The following LRRC37A2 variants were observed in gnomAD, a reference collection of about 807,000 sequenced individuals.
LRRC37A2 encodes the protein leucine-rich repeat-containing protein 37A2.
LRRC37A2 carries 9 observed loss-of-function variants against 68.8 expected under a neutral mutation model. That is an observed-to-expected ratio of 0.13 (90% CI 0.08 to 0.23). LRRC37A2 has a LOEUF of 0.23. Ranked by LOEUF, LRRC37A2 falls within the 10% of genes least tolerant of loss-of-function variation. The probability of loss-of-function intolerance (pLI) is 1.00; values close to 1 mark genes in which losing one functional copy is unlikely to be tolerated. For missense variants in LRRC37A2, 168 were observed against 950.4 expected (o/e 0.18, Z 10.82); for synonymous variants, 63 against 367.6 (o/e 0.17, Z 9.48).
At chr17:47,044,710 C>G in the LRRC37A2 span, among the ~76,000 whole-genome samples, 127 of 151,690 alleles carry the variant, frequency 8.4e-4, 1 homozygote, top group African/African-American at 3.0e-3. Context: ...AAAATAAAAA[C>G]TTGGGGGCAG....
chr17:46,732,194 A>G, the LRRC37A2 span, among the ~76,000 whole-genome samples: 11 of 152,246 alleles, frequency 7.2e-5, no homozygotes, highest in Admixed American at 1.3e-4. Context: ...TACAGTAATC[A>G]TATCAGTCAC....
chr17:46,997,851 T>G, the LRRC37A2 span, among the ~76,000 whole-genome samples: 3 of 151,854 alleles, frequency 2.0e-5, no homozygotes, highest in African/African-American at 7.3e-5. Flanking sequence ...GTGCCTGTAA[T>G]CCCAGCTACT....
At chr17:46,710,703 T>TA in the LRRC37A2 span, among the ~76,000 whole-genome samples, 1 of 152,178 alleles carries the variant, frequency 6.6e-6, no homozygotes, top group Non-Finnish European at 1.5e-5. Context: ...TCTCAGGAAT[T>TA]ATGAGGGTTT....
chr17:47,004,679 C>T, the LRRC37A2 span, among the ~76,000 whole-genome samples: 2,814 of 152,304 alleles, frequency 0.018, 42 homozygotes, highest in Middle Eastern at 0.075. Flanking sequence ...TAGGCACACA[C>T]CACTATGCCC....
chr17:46,896,438 GAAAGAAAGAAAGAAAAA>G, the LRRC37A2 span, among the ~76,000 whole-genome samples: 1 of 102,806 alleles, frequency 9.7e-6, no homozygotes, highest in African/African-American at 8.1e-5. Flanking sequence ...AAGAAAGAAA[GAAAGAAAGAAAGAAAAA>G]GAAAGAAAGA....
At chr17:46,901,455 C>T in the LRRC37A2 span, among the ~76,000 whole-genome samples, 254 of 152,290 alleles carry the variant, frequency 1.7e-3, 2 homozygotes, top group Non-Finnish European at 5.0e-4. Flanking sequence ...GCCACCACGC[C>T]CAGCCCAGCA....
chr17:46,558,023 G>A (rs1353897639), downstream of LRRC37A2, among the ~76,000 whole-genome samples: 1 of 138,140 alleles, frequency 7.2e-6, no homozygotes, highest in African/African-American at 2.7e-5. Context: ...AAGGCTGCCA[G>A]AGAAAAGATA....
At chr17:46,517,225 C>A in intron 2 of LRRC37A2, 137 bp from the exon 2 acceptor site, 1 of 794,396 alleles carries the variant, frequency 1.3e-6, no homozygotes, top group Non-Finnish European at 1.9e-6. Context: ...AACTGGGAAG[C>A]TGATAGCTCT....
chr17:46,985,649 G>C, the LRRC37A2 span, among the ~76,000 whole-genome samples: 3 of 152,082 alleles, frequency 2.0e-5, no homozygotes, highest in Admixed American at 2.0e-4. Context: ...AGGTGACATG[G>C]AGCTCACAAC....
chr17:46,710,129 T>TA, the LRRC37A2 span, among the ~76,000 whole-genome samples: 3 of 152,212 alleles, frequency 2.0e-5, no homozygotes, highest in Non-Finnish European at 4.4e-5. Flanking sequence ...TGATGATCTT[T>TA]AAAAAATTGA....
the LRRC37A2 span, among the ~76,000 whole-genome samples, chr17:46,395,140 TGGAAACATTATGCTA>T: frequency 3.1e-5 from 1 of 32,498 alleles, no homozygotes; most frequent in African/African-American, 1.6e-4. Flanking sequence ...ACATGAACCT[TGGAAACATTATGCTA>T]GGTGAAAATC....
the LRRC37A2 span, among the ~76,000 whole-genome samples, chr17:46,953,937 C>T: frequency 6.6e-6 from 1 of 151,982 alleles, no homozygotes; most frequent in African/African-American, 2.4e-5. Context: ...TGATATTAGC[C>T]CTTTGTCAGA....
chr17:46,777,171 C>T, the LRRC37A2 span, among the ~76,000 whole-genome samples: 1 of 152,162 alleles, frequency 6.6e-6, no homozygotes, highest in African/African-American at 2.4e-5. Context: ...GATCATGCCG[C>T]TGCACTCCAG....
the LRRC37A2 span, among the ~76,000 whole-genome samples, chr17:46,789,961 C>CA: frequency 6.6e-6 from 1 of 152,190 alleles, no homozygotes; most frequent in African/African-American, 2.4e-5. Flanking sequence ...CTCATCCCCC[C>CA]ACGGCGCTGA....
At chr17:46,544,803 G>C (rs1188709983) in intron 8 of LRRC37A2, among the ~76,000 whole-genome samples, 1 of 114,930 alleles carries the variant, frequency 8.7e-6, no homozygotes, top group East Asian at 3.0e-4. Flanking sequence ...TTTACGTATT[G>C]GAAAAAATTC....
the LRRC37A2 span, among the ~76,000 whole-genome samples, chr17:46,907,840 A>G: frequency 2.6e-5 from 4 of 151,610 alleles, no homozygotes; most frequent in South Asian, 8.4e-4. Context: ...TGGGAGACAG[A>G]GTGAGACCCT....
chr17:46,762,801 A>G, the LRRC37A2 span: 1 of 152,176 alleles, frequency 6.6e-6, no homozygotes, highest in Non-Finnish European at 1.5e-5. Flanking sequence ...CTCATGTACT[A>G]TTATTAAATA....
the LRRC37A2 span, among the ~76,000 whole-genome samples, chr17:46,811,319 T>C: frequency 4.6e-5 from 7 of 152,076 alleles, no homozygotes; most frequent in Non-Finnish European, 8.8e-5. Context: ...TCAGCAGGTA[T>C]GGAAACAGAA....
the LRRC37A2 span, among the ~76,000 whole-genome samples, chr17:46,928,639 C>T: frequency 6.6e-6 from 1 of 152,118 alleles, no homozygotes. Flanking sequence ...TCCTTCGTTC[C>T]TTGATATTGT....
Sources: gnomAD v4.1 joint callset for allele counts (sites outside exome capture counted in the v4.1 genomes callset) on GRCh38, gnomAD v4.1.1 for gene constraint, MANE v1.5 for transcripts, NCBI Gene and HGNC (gene_info 2026-07-23, HGNC 2026-07-21) for gene names.